Variants in PHEX observed in about 807,000 individuals in gnomAD.
PHEX encodes phosphate regulating endopeptidase X-linked.
PHEX carries 16 observed loss-of-function variants against 68.0 expected under a neutral mutation model. The observed-to-expected ratio is 0.24, with a 90% CI of 0.16 to 0.36. The LOEUF (loss-of-function observed/expected upper bound fraction) is 0.36, where lower values mean the gene tolerates loss of function less well. Among genes scored for constraint, PHEX ranks in the 10% least tolerant of loss-of-function variants. The pLI is 1.00. For synonymous variants in PHEX, 208 were observed against 205.1 expected (o/e 1.01, Z -0.12); for missense variants, 480 against 575.5 (o/e 0.83, Z 1.70).
At chrX:22,112,892 C>G (rs939560452) in intron 10 of PHEX, among the ~76,000 whole-genome samples, 1 of 109,758 alleles carries the variant, frequency 9.1e-6, no homozygotes, top group Non-Finnish European at 1.9e-5. Flanking sequence ...GGCAACAGAG[C>G]AAGACTCCGT....
At chrX:22,234,337 G>C (rs1008892469) in intron 20 of PHEX, among the ~76,000 whole-genome samples, 8 of 112,602 alleles carry the variant, frequency 7.1e-5, no homozygotes, top group African/African-American at 2.6e-4. Context: ...TGTCAGGCAG[G>C]GACGTTTAAG....
In PHEX at chrX:22,221,674, G is replaced by A. The variant is rs1935272408; in HGVS notation, c.1830G>A (p.Lys610=). 3 of 1,201,900 alleles carry A rather than the reference G, an allele frequency of 2.5e-6. No homozygotes were observed. In the East Asian group the frequency reaches 8.9e-5, roughly 36 times the overall value. Residue 610 remains lysine (K), a synonymous_variant, in exon 18 of 22, where the codon AAG becomes AAA. Transcript: ENST00000379374. ...DPWWSTESEE[K]FKEKTKCMIN... is the part of the protein sequence containing the mutation. ...GGTGGTCTACTGAATCAGAAGAAAA[G>A]TTTAAGGAAAAAACAAAATGCATGA...
intron 21 of PHEX, 92 bp from the exon 22 acceptor site, chrX:22,247,759 C>T (rs1936432936): frequency 4.6e-6 from 3 of 654,027 alleles, no homozygotes; most frequent in African/African-American, 2.2e-5. Flanking sequence ...GAATGCCAAC[C>T]TTCTTTCTAG....
intron 20 of PHEX, among the ~76,000 whole-genome samples, chrX:22,242,362 C>T (rs1038197720): frequency 9.0e-6 from 1 of 111,620 alleles, no homozygotes; most frequent in African/African-American, 3.3e-5. Flanking sequence ...CTTTGAAAAC[C>T]AGCACAAGAC....
At chrX:22,123,958 A>G (rs1318790700) in intron 11 of PHEX, among the ~76,000 whole-genome samples, 2 of 108,763 alleles carry the variant, frequency 1.8e-5, no homozygotes, top group Non-Finnish European at 1.9e-5. Flanking sequence ...CAGCCTCCCA[A>G]GTAGCTGGGA....
chrX:22,094,051 A>C lies in PHEX; in HGVS notation c.801A>C (p.Ala267=). 8.3e-7 allele frequency: 1 copy of C among 1,201,292 alleles called. No homozygotes were observed. Among genetic ancestry groups the C allele is most frequent in the Non-Finnish European group, 1.1e-6 (1 of 886,615 alleles). ...AVLLGANSSR[A]EHDMKSVLRL... is the part of the protein sequence containing the mutation. ...TTTTAGGAGCTAACAGTTCCAGAGC[A>C]GAGCATGACATGAAGTCAGTGCTCA... The change falls in exon 7 of 22, where the codon GCA becomes GCC. Residue 267 remains alanine (A), a synonymous_variant. Coordinates refer to ENST00000379374, the MANE Select transcript of PHEX (RefSeq NM_000444.6).
intron 14 of PHEX, among the ~76,000 whole-genome samples, chrX:22,181,522 C>T (rs1360551010): frequency 9.0e-6 from 1 of 111,401 alleles, no homozygotes; most frequent in African/African-American, 3.3e-5. Flanking sequence ...GTGATTCTTC[C>T]AGTTTTGTTG....
chrX:22,227,446 A>C, intron 19 of PHEX, 61 bp from the exon 20 acceptor site: 1 of 752,030 alleles, frequency 1.3e-6, no homozygotes, highest in Non-Finnish European at 2.1e-6. Context: ...TTCCTGTGCT[A>C]GCTGAGCAAA....
At chrX:22,231,308 C>G (rs1300094934) in intron 20 of PHEX, among the ~76,000 whole-genome samples, 1 of 111,902 alleles carries the variant, frequency 8.9e-6, no homozygotes, top group Non-Finnish European at 1.9e-5. Flanking sequence ...GGAGGATTCC[C>G]TCTTCTTCTG....
chrX:22,102,444 G>A (rs1268663523), intron 9 of PHEX, among the ~76,000 whole-genome samples: 7 of 112,185 alleles, frequency 6.2e-5, no homozygotes, highest in Admixed American at 2.8e-4. Flanking sequence ...TTGTGTATAT[G>A]TACCACATTT....
chrX:22,174,197 T>C (rs1933629269), intron 13 of PHEX, among the ~76,000 whole-genome samples: 1 of 112,080 alleles, frequency 8.9e-6, no homozygotes, highest in Non-Finnish European at 1.9e-5. Flanking sequence ...AGTCAAGAGA[T>C]GGAATTGATT....
chrX:22,185,841 C>T (rs771565054), intron 14 of PHEX, among the ~76,000 whole-genome samples: 1 of 106,549 alleles, frequency 9.4e-6, no homozygotes, highest in Non-Finnish European at 1.9e-5. Flanking sequence ...CTGCAACCTC[C>T]GTCTCCCAGG....
chrX:22,162,895 G>C (rs1311246720), intron 12 of PHEX: 1 of 111,613 alleles, frequency 9.0e-6, no homozygotes, highest in Non-Finnish European at 1.9e-5. Flanking sequence ...CTAGATGGCT[G>C]CTCGGCTTCT....
rs775541115 is a variant in PHEX, at chrX:22,251,020, C to T, written c.*3067C>T. ...CCTTAGATTATCCCATTTCTAAATA[C>T]ATTTATTCAATCAGTATTTCTATAA... On this transcript the variant is annotated 3_prime_UTR_variant, in exon 22 of 22. Coordinates refer to ENST00000379374, the MANE Select transcript of PHEX (RefSeq NM_000444.6). The T allele has an allele frequency of 3.6e-5, 4 of 112,230 alleles. No individual in the cohort carries two copies. In the East Asian group the frequency reaches 1.1e-3, roughly 31 times the overall value. 9.2% of individuals were successfully genotyped at this position (112,230 alleles called of 1,213,427 possible).
chrX:22,167,597 T>A (rs936703111), intron 12 of PHEX, among the ~76,000 whole-genome samples: 1 of 106,575 alleles, frequency 9.4e-6, no homozygotes, highest in Non-Finnish European at 1.9e-5. Context: ...GCTCAAGTGA[T>A]CCTCCTGCCT....
At chrX:22,038,039 G>A (rs188850296) in intron 1 of PHEX, among the ~76,000 whole-genome samples, 128 of 111,008 alleles carry the variant, frequency 1.2e-3, no homozygotes, top group African/African-American at 3.9e-3. Flanking sequence ...AGAGTGTCTC[G>A]CCCAGTGGTG....
intron 17 of PHEX, among the ~76,000 whole-genome samples, chrX:22,220,202 G>A (rs1299432750): frequency 1.8e-5 from 2 of 111,328 alleles, no homozygotes; most frequent in Non-Finnish European, 3.8e-5. Flanking sequence ...GGAACCAGCT[G>A]CCCTAAGGCA....
At chrX:22,044,238 G>A (rs1187399005) in intron 2 of PHEX, among the ~76,000 whole-genome samples, 1 of 110,726 alleles carries the variant, frequency 9.0e-6, no homozygotes, top group Non-Finnish European at 1.9e-5. Flanking sequence ...AAAAATGCGT[G>A]TGAGGGCTCC....
chrX:22,132,932 G>A (rs1172719102), intron 11 of PHEX, among the ~76,000 whole-genome samples: 2 of 110,026 alleles, frequency 1.8e-5, no homozygotes, highest in East Asian at 5.7e-4. Flanking sequence ...TGTTGCCCAG[G>A]CTGGAGTACA....
Sources: allele counts gnomAD v4.1 joint callset (sites outside exome capture counted in the v4.1 genomes callset), GRCh38; gene constraint gnomAD v4.1.1; transcripts MANE v1.5; gene names NCBI Gene and HGNC (gene_info 2026-07-23, HGNC 2026-07-21).